The following PARP8 variants were observed in gnomAD, a reference collection of about 807,000 sequenced individuals.
The protein encoded by PARP8 is protein mono-ADP-ribosyltransferase PARP8.
A neutral mutation model predicts 124.1 loss-of-function variants in PARP8; 51 were observed. The ratio of observed to expected loss-of-function variants is 0.41; its 90% CI spans 0.33 to 0.52. The LOEUF is 0.52. Among genes scored for constraint, PARP8 ranks in the 20% least tolerant of loss-of-function variants. The pLI, the probability that PARP8 is intolerant of heterozygous loss-of-function variation, is 0.21. For synonymous variants in PARP8, 391 were observed against 361.5 expected, an observed-to-expected ratio of 1.08 and a Z score of -0.93; for missense variants, 860 against 1,018.9, an observed-to-expected ratio of 0.84 and a Z score of 2.12.
chr5:50,786,633 A>G (rs770172744), intron 9 of PARP8, among the ~76,000 whole-genome samples: 2 of 151,324 alleles, frequency 1.3e-5, no homozygotes, highest in Non-Finnish European at 2.9e-5. Context: ...CTCCCAAAGT[A>G]TTGGGGTTAC....
At chr5:50,805,469 C>T (rs1180555505) in intron 14 of PARP8, among the ~76,000 whole-genome samples, 2 of 151,916 alleles carry the variant, frequency 1.3e-5, no homozygotes, top group Non-Finnish European at 2.9e-5. Flanking sequence ...CAACACCACC[C>T]GGAAAATATA....
intron 2 of PARP8, among the ~76,000 whole-genome samples, chr5:50,728,227 A>G (rs1286472826): frequency 6.6e-6 from 1 of 152,144 alleles, no homozygotes; most frequent in East Asian, 1.9e-4. Context: ...TGTTCCCTTT[A>G]TTAATTGACA....
chr5:50,782,958 C>T (rs765093467), intron 9 of PARP8, among the ~76,000 whole-genome samples: 4 of 151,904 alleles, frequency 2.6e-5, no homozygotes, highest in East Asian at 1.9e-4. Flanking sequence ...TGGAATGACA[C>T]GGGAAAGGGA....
At chr5:50,841,461 A>G (rs763328328) in intron 25 of PARP8, among the ~76,000 whole-genome samples, 1 of 151,866 alleles carries the variant, frequency 6.6e-6, no homozygotes, top group Non-Finnish European at 1.5e-5. Flanking sequence ...AAATAGTGCG[A>G]CCAGTGATAA....
chr5:50,670,856 T>C (rs1749927730), intron 2 of PARP8, among the ~76,000 whole-genome samples: 1 of 152,196 alleles, frequency 6.6e-6, no homozygotes, highest in South Asian at 2.1e-4. Context: ...GAGACATAAT[T>C]GAGAGTTACA....
At chr5:50,768,921 A>G (rs1178806079) in intron 7 of PARP8, among the ~76,000 whole-genome samples, 1 of 152,154 alleles carries the variant, frequency 6.6e-6, no homozygotes, top group Non-Finnish European at 1.5e-5. Flanking sequence ...GAATTCTTTG[A>G]AATCTGGCAT....
intron 25 of PARP8, among the ~76,000 whole-genome samples, chr5:50,836,327 A>G (rs1747577399): frequency 6.6e-6 from 1 of 152,158 alleles, no homozygotes; most frequent in Admixed American, 6.6e-5. Context: ...GTAAAATGAT[A>G]ATAATATACC....
At position 50,843,234 on chromosome 5, in the gene PARP8, T is replaced by C. The variant is rs1748351821; in HGVS notation, c.*1166T>C. On this transcript the variant is annotated 3_prime_UTR_variant, in exon 26 of 26. Transcript: ENST00000281631. ...TATTCTTTGAGTCCTAGAGTTCTTA[T>C]TCATCAAGTTTTAATTGACAGTGTT... is the stretch of plus-strand genomic sequence containing the variant. 6.6e-6 allele frequency: 1 copy of C among 151,740 alleles called. No homozygotes were observed. Among genetic ancestry groups the C allele is most frequent in the Non-Finnish European group, 1.5e-5 (1 of 67,798 alleles). The allele number at this position is 151,740 out of a possible 1,614,324, so 9.4% of individuals were successfully genotyped here. A position where few individuals can be genotyped will look rare whatever the true frequency, so the allele number is the denominator to read the frequency against.
intron 7 of PARP8, among the ~76,000 whole-genome samples, chr5:50,769,214 A>G (rs1466754807): frequency 6.6e-6 from 1 of 152,128 alleles, no homozygotes; most frequent in Non-Finnish European, 1.5e-5. Context: ...TTTATGGTAA[A>G]TTCTGTTGAA....
chr5:50,703,835 C>T (rs1753842552), intron 2 of PARP8, among the ~76,000 whole-genome samples: 1 of 151,684 alleles, frequency 6.6e-6, no homozygotes, highest in Non-Finnish European at 1.5e-5. Context: ...TGTTTGATCC[C>T]AGGAGGTCGA....
At chr5:50,791,051 T>C (rs1336328105) in intron 10 of PARP8, among the ~76,000 whole-genome samples, 2 of 152,186 alleles carry the variant, frequency 1.3e-5, no homozygotes, top group Admixed American at 6.6e-5. Flanking sequence ...GTTATTTTCT[T>C]AGAAACATAC....
intron 9 of PARP8, among the ~76,000 whole-genome samples, chr5:50,781,526 G>C (rs1740674937): frequency 6.6e-6 from 1 of 152,144 alleles, no homozygotes; most frequent in South Asian, 2.1e-4. Context: ...TCTGAGATCT[G>C]CCCACTGGAG....
chr5:50,748,037 G>A (rs965796434), intron 2 of PARP8, among the ~76,000 whole-genome samples: 1 of 151,918 alleles, frequency 6.6e-6, no homozygotes, highest in African/African-American at 2.4e-5. Context: ...ATTCAATGAA[G>A]TTATTGATAT....
In PARP8 at chr5:50,812,345, G is replaced by A. The variant is rs185369430; in HGVS notation, c.1576-3087G>A. Among the ~76,000 whole-genome samples, 777 of 152,282 alleles carry A rather than the reference G, an allele frequency of 5.1e-3. 4 individuals are homozygous for A. The highest frequency in any genetic ancestry group is 8.8e-3 in the Non-Finnish European group (598 of 68,016). Reference sequence around the variant, plus strand: ...GATTTGCATTTCTCTGATGACCAGTGATGATGAGCATTTTTTCATGTGTCT... The same window carrying A: ...GATTTGCATTTCTCTGATGACCAGTAATGATGAGCATTTTTTCATGTGTCT... On this transcript the variant is annotated intron_variant, in intron 14 of 25. Transcript: ENST00000281631.
At chr5:50,741,533 A>G (rs1758040170) in intron 2 of PARP8, among the ~76,000 whole-genome samples, 2 of 152,220 alleles carry the variant, frequency 1.3e-5, no homozygotes, top group African/African-American at 4.8e-5. Flanking sequence ...TTAGAAGTCC[A>G]GACATTTAAC....
chr5:50,678,565 T>A (rs981637432), intron 2 of PARP8, among the ~76,000 whole-genome samples: 4 of 152,270 alleles, frequency 2.6e-5, no homozygotes, highest in East Asian at 1.9e-4. Flanking sequence ...AATATAGATA[T>A]ATGAGAGAGA....
chr5:50,732,764 A>C (rs1316614543), intron 2 of PARP8, among the ~76,000 whole-genome samples: 1 of 151,566 alleles, frequency 6.6e-6, no homozygotes, highest in Non-Finnish European at 1.5e-5. Flanking sequence ...GACTACAGGC[A>C]CCCACCACCA....
intron 14 of PARP8, among the ~76,000 whole-genome samples, chr5:50,799,686 C>T (rs1742977289): frequency 6.6e-6 from 1 of 152,156 alleles, no homozygotes; most frequent in South Asian, 2.1e-4. Context: ...GTGTTCCTCC[C>T]AGAATTCATA....
intron 3 of PARP8, 54 bp downstream of exon 3, chr5:50,750,242 T>C: frequency 7.0e-7 from 1 of 1,422,082 alleles, no homozygotes; most frequent in Non-Finnish European, 9.8e-7. Context: ...CTTTGAATAT[T>C]TTTTTCTTCT....
Sources: gnomAD v4.1 joint callset for allele counts (sites outside exome capture counted in the v4.1 genomes callset) on GRCh38, gnomAD v4.1.1 for gene constraint, MANE v1.5 for transcripts, NCBI Gene and HGNC (gene_info 2026-07-23, HGNC 2026-07-21) for gene names.